KRT82: variants seen among roughly 807,000 people sequenced by gnomAD.
KRT82 encodes keratin, type II cuticular Hb2.
A neutral mutation model predicts 48.0 loss-of-function variants in KRT82; 44 were observed. The observed-to-expected ratio is 0.92, with a 90% confidence interval of 0.72 to 1.18. KRT82 has a LOEUF of 1.18. KRT82 is among the 50% of genes most tolerant of loss of function. The pLI is 0.00. For synonymous variants in KRT82, 297 were observed against 278.3 expected (o/e 1.07, Z -0.67); for missense variants, 701 against 671.4 (o/e 1.04, Z -0.49).
At chr12:52,397,121 G>A in intron 5 of KRT82, 113 bp from the exon 6 acceptor site, 1 of 1,314,782 alleles carries the variant, frequency 7.6e-7, no homozygotes, top group South Asian at 1.4e-5. Flanking sequence ...GGTGTTCTCT[G>A]GTTCTCATAC....
At chr12:52,395,671 G>A (rs537264074) in intron 8 of KRT82, 88 bp downstream of exon 8, 7 of 973,000 alleles carry the variant, frequency 7.2e-6, no homozygotes, top group Non-Finnish European at 9.3e-6. Context: ...GGCATCAGAG[G>A]TCTAGGAAGG....
rs1426299084 is a variant in KRT82, at chr12:52,396,016, G to A, written c.1285C>T (p.His429Tyr). ...TYRRLLEGEE[H>Y]RLCEGIGPVN... ...CCCCCTCCTGGAGGAGCTCACCTGT[G>A]CTCTTCACCCTCCAGCAGGCGCCTG... The change falls in exon 7 of 9, where the codon CAC becomes TAC. Residue 429 changes from histidine (H) to tyrosine (Y), a missense_variant. Transcript: ENST00000257974. 2.5e-6 allele frequency: 4 copies of A among 1,613,860 alleles called. No homozygotes were observed. The highest frequency in any genetic ancestry group is 3.4e-6 in the Non-Finnish European group (4 of 1,180,036).
In KRT82 at chr12:52,396,065, G is replaced by A. The variant is rs1939709398; in HGVS notation, c.1236C>T (p.Gly412=). 3 of 1,614,094 alleles carry A rather than the reference G, an allele frequency of 1.9e-6. No homozygotes were observed. The highest frequency in any genetic ancestry group is 4.5e-5 in the East Asian group (2 of 44,858). The change falls in exon 7 of 9, where the codon GGC becomes GGT. Residue 412 remains glycine (G), a synonymous_variant. Transcript: ENST00000257974. ...TGTAGGTGGCGATCTCGATGTCCAG[G>A]CCCAGCTTGGAGTTCATCACCTCCT... ...EYQEVMNSKL[G]LDIEIATYRR...
intron 1 of KRT82, among the ~76,000 whole-genome samples, chr12:52,404,658 A>C (rs1030770172): frequency 9.9e-5 from 15 of 152,100 alleles, no homozygotes; most frequent in Admixed American, 8.5e-4. Flanking sequence ...TCATTGCCCT[A>C]CTTCTGGTCA....
At chr12:52,403,975 A>T in intron 1 of KRT82, 66 bp from the exon 2 acceptor site, 5 of 1,472,710 alleles carry the variant, frequency 3.4e-6, no homozygotes, top group Non-Finnish European at 4.6e-6. Context: ...AGAGAGGGCA[A>T]TGGAATGAGT....
chr12:52,400,534 T>A lies in KRT82; in HGVS notation c.770A>T (p.Tyr257Phe), dbSNP rs757149763. 22 of 1,613,524 alleles carry A rather than the reference T, an allele frequency of 1.4e-5. No individual in the cohort carries two copies. The highest frequency in any genetic ancestry group is 1.8e-5 in the Non-Finnish European group (21 of 1,179,562). ...VQEIDFLKSLYEEEICLLQSQ... is the reference protein window; with the variant it reads ...VQEIDFLKSLFEEEICLLQSQ... ...GGTCAGGGCTGTGGGTACCTCCTCA[T>A]ACAGGCTTTTCAGGAAGTCGATCTC... Residue 257 changes from tyrosine to phenylalanine, a missense_variant, in exon 4 of 9, where the codon TAT (tyrosine) becomes TTT (phenylalanine). Physicochemically the swap from Tyr to Phe is conservative, Grantham distance 22 (BLOSUM62 3). Coordinates refer to ENST00000257974, the MANE Select transcript of KRT82 (RefSeq NM_033033.4).
Position 52,394,896 on chromosome 12 carries a change from C to T in KRT82, c.*79G>A. The stretch of plus-strand genomic sequence containing the variant: ...AAGGGAGGTGGGGTTTTGGAACATC[C>T]TTGTCTTCAGCCCTGGTGGGAGTGT... On this transcript the variant is annotated 3_prime_UTR_variant, in exon 9 of 9. Coordinates refer to ENST00000257974, the MANE Select transcript of KRT82 (RefSeq NM_033033.4). 2.4e-6 allele frequency: 3 copies of T among 1,259,428 alleles called. No homozygotes were observed. Among genetic ancestry groups the T allele is most frequent in the Admixed American group, 3.5e-5 (2 of 57,490 alleles). 78.0% of individuals were successfully genotyped at this position (1,259,428 alleles called of 1,614,324 possible). A position where few individuals can be genotyped will look rare whatever the true frequency, so the allele number is the denominator to read the frequency against.
At position 52,396,884 on chromosome 12, in the gene KRT82, T is replaced by C; in HGVS notation, c.1067A>G (p.Gln356Arg). The part of the protein sequence containing the change: ...LQQETENVKA[Q>R]RCKLEGAIAE... ...CAAGGAAGTCCTCCCCAGCCTCACC[T>C]GGGCTTTGACATTCTCGGTTTCTTG... The change falls in exon 6 of 9, where the codon CAG (glutamine) becomes CGG (arginine). Residue 356 changes from glutamine (Q) to arginine (R), a missense_variant and splice_region_variant. Transcript: ENST00000257974. The C allele has an allele frequency of 1.2e-6, 2 of 1,614,002 alleles. No homozygotes were observed. The highest frequency in any genetic ancestry group is 1.3e-5 in the African/African-American group (1 of 75,054).
At chr12:52,405,172 T>C (rs1939836389) in intron 1 of KRT82, among the ~76,000 whole-genome samples, 1 of 152,198 alleles carries the variant, frequency 6.6e-6, no homozygotes. Flanking sequence ...GAATCTGCGC[T>C]CTTCCTGCAG....
At chr12:52,399,538 T>G (rs1333596618) in intron 5 of KRT82, among the ~76,000 whole-genome samples, 1 of 152,248 alleles carries the variant, frequency 6.6e-6, no homozygotes, top group East Asian at 1.9e-4. Flanking sequence ...AGCCCCTAAT[T>G]ATTAAGTCTG....
chr12:52,401,437 C>T (rs1939789974), intron 2 of KRT82, 88 bp from the exon 3 acceptor site: 1 of 1,306,886 alleles, frequency 7.7e-7, no homozygotes, highest in Non-Finnish European at 1.1e-6. Flanking sequence ...GGCAACTCTG[C>T]CTGTCACTGA....
intron 4 of KRT82, 95 bp from the exon 5 acceptor site, chr12:52,400,244 G>C: frequency 1.6e-6 from 2 of 1,228,762 alleles, no homozygotes; most frequent in Non-Finnish European, 2.3e-6. Context: ...AGAGCAGAGT[G>C]CATAGAACTC....
In KRT82 at chr12:52,394,836, A is replaced by T. The variant is rs1020634342; in HGVS notation, c.*139T>A. On this transcript the variant is annotated 3_prime_UTR_variant, in exon 9 of 9. Transcript: ENST00000257974. ...GGTCCTAGGGGCAGCTCAGCTCTCA[A>T]GGAGGGAACACTGGAGGGGAATGTG... The T allele has an allele frequency of 2.7e-6, 2 of 743,180 alleles. No homozygotes were observed. The highest frequency in any genetic ancestry group is 4.5e-6 in the Non-Finnish European group (2 of 439,744). The allele number at this position is 743,180 out of a possible 1,614,324, so 46.0% of individuals were successfully genotyped here. A position where few individuals can be genotyped will look rare whatever the true frequency, so the allele number is the denominator to read the frequency against.
intron 6 of KRT82, 46 bp downstream of exon 6, chr12:52,396,837 C>A: frequency 6.2e-7 from 1 of 1,610,330 alleles, no homozygotes; most frequent in South Asian, 1.1e-5. Flanking sequence ...ACTGGCCAGT[C>A]AGCCCAGGAT....
At chr12:52,395,876 T>G in intron 7 of KRT82, 86 bp from the exon 8 acceptor site, 1 of 1,474,362 alleles carries the variant, frequency 6.8e-7, no homozygotes, top group Non-Finnish European at 9.3e-7. Flanking sequence ...GCCCTCATTG[T>G]GGACCATGTG....
At chr12:52,395,977 T>G (rs754264004) in intron 7 of KRT82, 35 bp downstream of exon 7, 4 of 1,612,906 alleles carry the variant, frequency 2.5e-6, no homozygotes, top group Non-Finnish European at 3.4e-6. Context: ...CCATACCTGG[T>G]AGCCCATCTT....
intron 2 of KRT82, 74 bp downstream of exon 2, chr12:52,403,627 G>A (rs1390569420): frequency 6.5e-6 from 6 of 920,616 alleles, no homozygotes; most frequent in Non-Finnish European, 1.0e-5. Flanking sequence ...TTTTATAAAT[G>A]GGGAATCAGG....
intron 1 of KRT82, 138 bp downstream of exon 1, chr12:52,405,729 G>GTGGAATGTGAGGGAGGCCACTGGA: frequency 1.3e-6 from 1 of 773,254 alleles, no homozygotes; most frequent in Non-Finnish European, 2.0e-6. Context: ...GCTGGTGGTC[G>GTGGAATGTGAGGGAGGCCACTGGA]TGGAATGTGA....
Position 52,394,910 on chromosome 12 carries a change from T to C in KRT82, c.*65A>G. 1 of 1,366,506 alleles carries C rather than the reference T, an allele frequency of 7.3e-7. No individual in the cohort carries two copies. Among genetic ancestry groups the C allele is most frequent in the African/African-American group, 1.4e-5 (1 of 70,184 alleles). 84.6% of individuals were successfully genotyped at this position (1,366,506 alleles called of 1,614,324 possible). ...TTTGGAACATCCTTGTCTTCAGCCCTGGTGGGAGTGTGACATCCAGGGCCA... is the reference window on the plus strand; with the variant it reads ...TTTGGAACATCCTTGTCTTCAGCCCCGGTGGGAGTGTGACATCCAGGGCCA... On this transcript the variant is annotated 3_prime_UTR_variant, in exon 9 of 9. Transcript: ENST00000257974.
Sources: gnomAD v4.1 joint callset for allele counts (sites outside exome capture counted in the v4.1 genomes callset) on GRCh38, gnomAD v4.1.1 for gene constraint, MANE v1.5 for transcripts, NCBI Gene and HGNC (gene_info 2026-07-23, HGNC 2026-07-21) for gene names.